NCR1: variants seen among roughly 807,000 people sequenced by gnomAD.
NCR1 encodes the protein natural cytotoxicity triggering receptor 1.
NCR1 carries 30 observed loss-of-function variants against 32.5 expected under a neutral mutation model. The ratio of observed to expected loss-of-function variants is 0.92; its 90% CI spans 0.69 to 1.25. The LOEUF (loss-of-function observed/expected upper bound fraction) is 1.25. Among genes scored for constraint, NCR1 ranks in the 50% most tolerant of loss-of-function variants. The pLI is 0.00. For synonymous variants in NCR1, 169 were observed against 143.4 expected (o/e 1.18, Z -1.28); for missense variants, 369 against 380.7 (o/e 0.97, Z 0.26).
At chr19:54,917,784 T>C (rs1231436529), downstream of NCR1, among the ~76,000 whole-genome samples, 1 of 152,092 alleles carries the variant, frequency 6.6e-6, no homozygotes, top group Non-Finnish European at 1.5e-5. Context: ...CTTCCTACAA[T>C]GCCCAGGGCA....
In NCR1 at chr19:54,909,379, G is replaced by A. The variant is rs199912363; in HGVS notation, c.490G>A (p.Val164Ile). ...GCTCAAGGAGGGAAGATCCAGCCAC[G>A]TACAGCGCGGATACGGGAAGGTCCA... Reference protein sequence around the residue: ...LLLKEGRSSHVQRGYGKVQAE... With the variant: ...LLLKEGRSSHIQRGYGKVQAE... The change falls in exon 4 of 7, where the codon GTA becomes ATA. Residue 164 changes from valine to isoleucine, a missense_variant. Physicochemically the swap from Val to Ile is conservative, Grantham distance 29 (BLOSUM62 3). Coordinates refer to ENST00000291890, the MANE Select transcript of NCR1 (RefSeq NM_004829.7). 19 of 1,614,052 alleles carry A rather than the reference G, an allele frequency of 1.2e-5. No homozygotes were observed. The African/African-American group carries it at 1.3e-4, about 11-fold the overall frequency.
chr19:54,929,937 A>AC, the NCR1 span, among the ~76,000 whole-genome samples: 83,079 of 150,196 alleles, frequency 0.55, 23,308 homozygotes, highest in East Asian at 0.72. Flanking sequence ...ACACTGTGAA[A>AC]CCCATCTCTA....
rs587662425 is a variant in NCR1 at position 54,906,753 on chromosome 19, C to A, written c.301C>A (p.Arg101=). The change falls in exon 3 of 7, where the codon CGG becomes AGG. Residue 101 remains arginine, a synonymous_variant. Transcript: ENST00000291890. ...RMAGQYSCIY[R]VGELWSEPSN... ...GGCAGGGCAATACAGCTGCATCTAT[C>A]GGGTTGGGGAGCTCTGGTCAGAGCC... 6 of 1,614,180 alleles carry A rather than the reference C, an allele frequency of 3.7e-6. No homozygotes were observed. The highest frequency in any genetic ancestry group is 5.1e-6 in the Non-Finnish European group (6 of 1,180,030).
chr19:54,915,532 A>G (rs2068114290), downstream of NCR1, among the ~76,000 whole-genome samples: 2 of 152,112 alleles, frequency 1.3e-5, no homozygotes, highest in South Asian at 4.1e-4. Flanking sequence ...TGCACCCGTA[A>G]TCTCAGCTAC....
upstream of NCR1, among the ~76,000 whole-genome samples, chr19:54,903,433 C>T (rs587774104): frequency 1.7e-4 from 21 of 124,182 alleles, 2 homozygotes; most frequent in East Asian, 6.7e-4. Context: ...TATGTATACA[C>T]GCATACATGT....
At chr19:54,928,373 G>C in the NCR1 span, among the ~76,000 whole-genome samples, 1 of 152,258 alleles carries the variant, frequency 6.6e-6, no homozygotes, top group East Asian at 1.9e-4. Context: ...CAGCTTGGGT[G>C]AAAGAGTGAG....
downstream of NCR1, among the ~76,000 whole-genome samples, chr19:54,919,306 G>A (rs1393814520): frequency 3.3e-5 from 5 of 152,104 alleles, no homozygotes; most frequent in Non-Finnish European, 5.9e-5. Flanking sequence ...GTCTGGCTGC[G>A]CTGTTATTTA....
chr19:54,924,009 C>T, the NCR1 span: 1 of 935,878 alleles, frequency 1.1e-6, no homozygotes, highest in Non-Finnish European at 1.7e-6. Flanking sequence ...GCTCTGTTGC[C>T]CAGGCTGGGG....
chr19:54,923,988 G>C, the NCR1 span: 8 of 1,146,730 alleles, frequency 7.0e-6, no homozygotes, highest in Admixed American at 1.9e-5. Flanking sequence ...TTTTCTGGGG[G>C]ACAGGGTCTT....
chr19:54,906,149 G>A lies in NCR1; in HGVS notation c.-39G>A. ...CTATCTCCCTGGCCCGCCCGGCTCA[G>A]TCCCCACTGCTCAGCACTAGGCCGG... On this transcript the variant is annotated 5_prime_UTR_variant, in exon 1 of 7. Coordinates refer to ENST00000291890, the MANE Select transcript of NCR1 (RefSeq NM_004829.7). 1.2e-6 allele frequency: 2 copies of A among 1,613,968 alleles called. No homozygotes were observed. The highest frequency in any genetic ancestry group is 1.7e-6 in the Non-Finnish European group (2 of 1,180,000).
Position 54,906,330 on chromosome 19 carries a change from G to T in NCR1, c.66G>T (p.Gln22His). The change falls in exon 2 of 7, where the codon CAG (glutamine) becomes CAT (histidine). Residue 22 changes from glutamine (Q) to histidine (H), a missense_variant. Transcript: ENST00000291890. The part of the protein sequence containing the change: ...GLCLSQRISA[Q>H]QQTLPKPFIW... ...GTCTGAGTCAGAGGATCAGCGCCCAGCAGCGTGAGTCCTTCCTTCAAAGCC... is the reference window on the plus strand; with the variant it reads ...GTCTGAGTCAGAGGATCAGCGCCCATCAGCGTGAGTCCTTCCTTCAAAGCC... 1 of 1,613,728 alleles carries T rather than the reference G, an allele frequency of 6.2e-7. No homozygotes were observed.
At chr19:54,930,588 G>C in the NCR1 span, 6 of 1,611,872 alleles carry the variant, frequency 3.7e-6, no homozygotes, top group African/African-American at 8.0e-5. Context: ...TCAAGTCCAG[G>C]TTTGTGAGGC....
chr19:54,910,088 CTCAGACGAGCGA>C, intron 5 of NCR1, 23 bp downstream of exon 5: 1 of 1,610,732 alleles, frequency 6.2e-7, no homozygotes, highest in Non-Finnish European at 8.5e-7. Context: ...TCCTTCTAAG[CTCAGACGAGCGA>C]TCAGAGCCTC....
chr19:54,903,629 A>G (rs983930157), upstream of NCR1, among the ~76,000 whole-genome samples: 1 of 143,234 alleles, frequency 7.0e-6, no homozygotes, highest in African/African-American at 2.6e-5. Context: ...CATGTACGGT[A>G]CTATGCAGTA....
Position 54,912,907 on chromosome 19 carries a change from C to G in NCR1, c.*36C>G. 6.3e-7 allele frequency: 1 copy of G among 1,598,602 alleles called. No homozygotes were observed. The highest frequency in any genetic ancestry group is 8.5e-7 in the Non-Finnish European group (1 of 1,170,430). On this transcript the variant is annotated 3_prime_UTR_variant, in exon 7 of 7. Transcript: ENST00000291890. Reference sequence around the variant, plus strand: ...TGAGACACAGTGGCCATGGGTGGATCTGAAAGCTGGTGTTGAGCCTGGGCG... The same window carrying G: ...TGAGACACAGTGGCCATGGGTGGATGTGAAAGCTGGTGTTGAGCCTGGGCG...
upstream of NCR1, among the ~76,000 whole-genome samples, chr19:54,905,724 C>CG: frequency 6.6e-6 from 1 of 152,222 alleles, no homozygotes; most frequent in Non-Finnish European, 1.5e-5. Context: ...TTCTCTTCCT[C>CG]GGGGGGAACT....
downstream of NCR1, among the ~76,000 whole-genome samples, chr19:54,917,059 C>G (rs761831778): frequency 2.6e-5 from 4 of 152,088 alleles, no homozygotes; most frequent in Admixed American, 2.0e-4. Context: ...ATTGCTCCCC[C>G]ACAGTTGTAT....
At chr19:54,934,507 T>C in the NCR1 span, 11 of 1,614,006 alleles carry the variant, frequency 6.8e-6, no homozygotes, top group Admixed American at 5.0e-5. This position sits in a 1 kb window ranked among gnomAD's most constrained non-coding sequence, Gnocchi z 6.7. Flanking sequence ...CTGCAGGAAG[T>C]GTTTTGGGCG....
Position 54,912,793 on chromosome 19 carries a change from C to G in NCR1, c.837C>G (p.Ser279Arg). The G allele has an allele frequency of 6.2e-7, 1 of 1,613,920 alleles. No homozygotes were observed. Among genetic ancestry groups the G allele is most frequent in the Non-Finnish European group, 8.5e-7 (1 of 1,180,002 alleles). ...LVWFLVEDWL[S>R]RKRTRERASR... The stretch of plus-strand genomic sequence containing the variant: ...GGTTCCTGGTTGAAGACTGGCTCAG[C>G]AGGAAGAGGACTAGAGAGCGAGCCA... Residue 279 changes from serine (S) to arginine (R), a missense_variant, in exon 7 of 7, where the codon AGC becomes AGG. Ser to Arg is a moderately radical substitution (Grantham distance 110, BLOSUM62 -1). Coordinates refer to ENST00000291890, the MANE Select transcript of NCR1 (RefSeq NM_004829.7).
Sources: gnomAD v4.1 joint callset for allele counts (sites outside exome capture counted in the v4.1 genomes callset) on GRCh38, gnomAD v4.1.1 for gene constraint, Gnocchi (gnomAD v3.1) non-coding constraint, MANE v1.5 for transcripts, NCBI Gene and HGNC (gene_info 2026-07-23, HGNC 2026-07-21) for gene names.